The following LTBP4 variants were observed in gnomAD, a reference collection of about 807,000 sequenced individuals.
LTBP4 encodes latent-transforming growth factor beta-binding protein 4.
LTBP4 carries 93 observed loss-of-function variants against 180.2 expected under a neutral mutation model. The observed-to-expected ratio is 0.52, with a 90% CI of 0.44 to 0.61. The LOEUF (loss-of-function observed/expected upper bound fraction) is 0.61. Among genes scored for constraint, LTBP4 ranks in the 20% least tolerant of loss-of-function variants. The pLI is 0.00. For missense variants in LTBP4, 2,116 were observed against 2,256.5 expected (o/e 0.94, Z 1.26); for synonymous variants, 947 against 934.5 (o/e 1.01, Z -0.24).
At chr19:40,606,656 C>G (rs1407256156) in intron 6 of LTBP4, 130 bp downstream of exon 6, 10 of 1,137,232 alleles carry the variant, frequency 8.8e-6, no homozygotes, top group Non-Finnish European at 6.2e-6. Context: ...CCTTAGAGCC[C>G]CCTCAGAACT....
At position 40,627,210 on chromosome 19, in the gene LTBP4, A is replaced by G; in HGVS notation, c.4221A>G (p.Pro1407=). The change falls in exon 28 of 30, where the codon CCA becomes CCG. Residue 1407 remains proline, a synonymous_variant. Transcript: ENST00000396819. Reference sequence around the variant, plus strand: ...ATGGGGCACCCCGCTTCGACATGCCAGACTTTGAGGACGATGGTGGCCCCT... The same window carrying G: ...ATGGGGCACCCCGCTTCGACATGCCGGACTTTGAGGACGATGGTGGCCCCT... The part of the protein sequence containing the change: ...APYGAPRFDM[P]DFEDDGGPYG... 1 of 1,610,228 alleles carries G rather than the reference A, an allele frequency of 6.2e-7. No homozygotes were observed. The highest frequency in any genetic ancestry group is 2.2e-5 in the East Asian group (1 of 44,770).
rs62107914 is a variant in LTBP4 at position 40,622,158 on chromosome 19, C to T, written c.3218-243C>T. Among the ~76,000 whole-genome samples, 216 of 152,276 alleles carry T rather than the reference C, an allele frequency of 1.4e-3. No individual in the cohort carries two copies. Among genetic ancestry groups the T allele is most frequent in the Non-Finnish European group, 2.5e-3 (172 of 68,020 alleles). ...GAAGTTCCCTCACCACCCACCCAAG[C>T]TGTTAGCTGCAGTGACGGGAAAGTG... On this transcript the variant is annotated intron_variant, in intron 22 of 29. Transcript: ENST00000396819. This position sits in a 1 kb window ranked among gnomAD's most constrained non-coding sequence, Gnocchi z 5.1.
At chr19:40,614,522 G>A (rs2081533236) in intron 19 of LTBP4, 76 bp downstream of exon 19, 3 of 1,516,194 alleles carry the variant, frequency 2.0e-6, no homozygotes, top group Non-Finnish European at 8.8e-7. Flanking sequence ...GACTGAGGAG[G>A]GGCGCCCTGC....
rs1201274269 is a variant in LTBP4, at chr19:40,608,694, C to T, written c.1426+91C>T. 8.2e-6 allele frequency: 12 copies of T among 1,454,622 alleles called. No homozygotes were observed. The East Asian group carries it at 3.0e-4, about 36-fold the overall frequency. The allele number at this position is 1,454,622 out of a possible 1,614,324, so 90.1% of individuals were successfully genotyped here. A position where few individuals can be genotyped will look rare whatever the true frequency, so the allele number is the denominator to read the frequency against. On this transcript the variant is annotated intron_variant, in intron 9 of 29. Coordinates refer to ENST00000396819, the MANE Select transcript of LTBP4 (RefSeq NM_001042545.2). ...TTGGGAGGCTGAGGAGGGTGGATCA[C>T]CAGGTCAGGAGTTCGAGACCAGCCT... is the stretch of plus-strand genomic sequence containing the variant.
In LTBP4 at chr19:40,627,724, C is replaced by T. The variant is rs765337398; in HGVS notation, c.4386C>T (p.Tyr1462=). The change falls in exon 29 of 30, where the codon TAC becomes TAT. Residue 1462 remains tyrosine, a synonymous_variant. Transcript: ENST00000396819. ...GSYAGSLAEP[Y]EELEAEECGI... ...CCACAGGTTCCCTGGCTGAGCCCTA[C>T]GAGGAGCTGGAGGCGGAGGAGTGCG... 2.5e-6 allele frequency: 4 copies of T among 1,596,992 alleles called. No individual in the cohort carries two copies. Among genetic ancestry groups the T allele is most frequent in the Admixed American group, 1.7e-5 (1 of 57,842 alleles).
intron 1 of LTBP4, among the ~76,000 whole-genome samples, chr19:40,602,474 G>C (rs1003683595): frequency 6.6e-6 from 1 of 152,044 alleles, no homozygotes; most frequent in African/African-American, 2.4e-5. Context: ...GGGGGCCCCT[G>C]GAGCGGAGAA....
Position 40,629,319 on chromosome 19 carries a change from C to A in LTBP4, c.4520-77C>A. 6.3e-7 allele frequency: 1 copy of A among 1,590,240 alleles called. No homozygotes were observed. Among genetic ancestry groups the A allele is most frequent in the South Asian group, 1.1e-5 (1 of 90,630 alleles). Reference sequence around the variant, plus strand: ...TGCTCAGCATCTGTGCTCCTCTGTTCCAAGAACTTAAGGGGCCAAGGAGGC... The same window carrying A: ...TGCTCAGCATCTGTGCTCCTCTGTTACAAGAACTTAAGGGGCCAAGGAGGC... On this transcript the variant is annotated intron_variant, in intron 29 of 29. Transcript: ENST00000396819. The surrounding 1 kb of genome is among the most constrained non-coding windows in gnomAD (Gnocchi z 4.5).
chr19:40,599,887 C>G (rs2081411813), upstream of LTBP4: 2 of 482,466 alleles, frequency 4.1e-6, no homozygotes, highest in Admixed American at 7.5e-5. Context: ...CCCCCATCAT[C>G]TCTCTTTCTC....
At chr19:40,623,540 G>A (rs988623447) in intron 24 of LTBP4, 64 bp from the exon 25 acceptor site, 4 of 1,554,182 alleles carry the variant, frequency 2.6e-6, no homozygotes, top group East Asian at 2.3e-5. Context: ...GTCTTCCCAC[G>A]TCATGCCCTC....
chr19:40,627,761 G>A lies in LTBP4; in HGVS notation c.4423G>A (p.Gly1475Ser), dbSNP rs771795378. The change falls in exon 29 of 30, where the codon GGC (glycine) becomes AGC (serine). Residue 1475 changes from glycine to serine, a missense_variant. Coordinates refer to ENST00000396819, the MANE Select transcript of LTBP4 (RefSeq NM_001042545.2). ...GGCGGAGGAGTGCGGGATCCTGGAC[G>A]GCTGCACCAACGGCCGCTGCGTGCG... The part of the protein sequence containing the change: ...LEAEECGILD[G>S]CTNGRCVRVP... 1.3e-6 allele frequency: 2 copies of A among 1,592,028 alleles called. No homozygotes were observed. The highest frequency in any genetic ancestry group is 1.3e-5 in the African/African-American group (1 of 74,470).
intron 28 of LTBP4, 61 bp from the exon 29 acceptor site, chr19:40,627,644 C>T: frequency 2.0e-6 from 3 of 1,526,670 alleles, no homozygotes; most frequent in Non-Finnish European, 1.8e-6. Context: ...GCGCACCCAC[C>T]GTTGTGGGTA....
Position 40,609,796 on chromosome 19 carries a change from G to A in LTBP4, c.1609G>A (p.Glu537Lys), listed in dbSNP as rs946866092. The A allele has an allele frequency of 3.1e-6, 5 of 1,611,180 alleles. No individual in the cohort carries two copies. The highest frequency in any genetic ancestry group is 4.2e-6 in the Non-Finnish European group (5 of 1,178,720). ...CCCGCCCTGTGCTCCCGGGCGCTGC[G>A]AGAACTCACCAGGCAGCTTCCGCTG... Reference protein sequence around the residue: ...VPPPCAPGRCENSPGSFRCVC... With the variant: ...VPPPCAPGRCKNSPGSFRCVC... The change falls in exon 11 of 30, where the codon GAG becomes AAG. Residue 537 changes from glutamate to lysine, a missense_variant. By Grantham distance (56) the Glu-to-Lys change is moderately conservative. Around this residue, in one of 5 missense-constraint regions of LTBP4, gnomAD observed 877 missense variants for 873.6 expected, o/e 1.00. Coordinates refer to ENST00000396819, the MANE Select transcript of LTBP4 (RefSeq NM_001042545.2). The surrounding 1 kb of genome is among the most constrained non-coding windows in gnomAD (Gnocchi z 4.9).
intron 22 of LTBP4, among the ~76,000 whole-genome samples, chr19:40,620,235 A>T (rs28571670): frequency 0.49 from 74,220 of 150,390 alleles, 19,461 homozygotes; most frequent in African/African-American, 0.68. Flanking sequence ...TTTTTTGAAA[A>T]TTTTTTTTAA....
Position 40,601,488 on chromosome 19 carries a change from T to C in LTBP4, c.101T>C (p.Val34Ala). ...GLGRLGERLRVRFTPVVCGLR... is the reference protein window; with the variant it reads ...GLGRLGERLRARFTPVVCGLR... ...GGCCGGCTCGGAGAGCGTCTCCGCG[T>C]GCGCTTCACCCCGGTCGTGTGCGGC... is the stretch of plus-strand genomic sequence containing the variant. Residue 34 changes from valine (V) to alanine (A), a missense_variant, in exon 1 of 30, where the codon GTG becomes GCG. This residue lies in a region of LTBP4 where 469 missense variants were observed against 532.5 expected (regional missense o/e 0.88). Transcript: ENST00000396819. The C allele has an allele frequency of 6.7e-7, 1 of 1,494,906 alleles. No homozygotes were observed. The highest frequency in any genetic ancestry group is 8.9e-7 in the Non-Finnish European group (1 of 1,128,892). 92.6% of individuals were successfully genotyped at this position (1,494,906 alleles called of 1,614,324 possible).
Position 40,610,528 on chromosome 19 carries a change from A to G in LTBP4, c.1685-4A>G. 1 of 1,590,894 alleles carries G rather than the reference A, an allele frequency of 6.3e-7. No individual in the cohort carries two copies. The highest frequency in any genetic ancestry group is 8.5e-7 in the Non-Finnish European group (1 of 1,174,144). On this transcript the variant is annotated splice_region_variant and splice_polypyrimidine_tract_variant and intron_variant, in intron 11 of 29. Coordinates refer to ENST00000396819, the MANE Select transcript of LTBP4 (RefSeq NM_001042545.2). Reference sequence around the variant, plus strand: ...AGTCCCAGCCGCCTGGTCTGTGCCTACAGATGTGGACGAGTGCCACCGCGT... The same window carrying G: ...AGTCCCAGCCGCCTGGTCTGTGCCTGCAGATGTGGACGAGTGCCACCGCGT...
In LTBP4 at chr19:40,609,774, G is replaced by T; in HGVS notation, c.1587G>T (p.Pro529=). The T allele has an allele frequency of 6.2e-7, 1 of 1,611,872 alleles. No individual in the cohort carries two copies. Among genetic ancestry groups the T allele is most frequent in the East Asian group, 2.2e-5 (1 of 44,822 alleles). Reference sequence around the variant, plus strand: ...TGGACGAATGTCGCCGCGTGCCCCCGCCCTGTGCTCCCGGGCGCTGCGAGA... The same window carrying T: ...TGGACGAATGTCGCCGCGTGCCCCCTCCCTGTGCTCCCGGGCGCTGCGAGA... The part of the protein sequence containing the change: ...IDVDECRRVP[P]PCAPGRCENS... Residue 529 remains proline, a synonymous_variant, in exon 11 of 30, where the codon CCG becomes CCT. Transcript: ENST00000396819. The surrounding 1 kb of genome is among the most constrained non-coding windows in gnomAD (Gnocchi z 4.9).
chr19:40,626,904 A>C, intron 27 of LTBP4, 71 bp from the exon 28 acceptor site: 1 of 1,469,088 alleles, frequency 6.8e-7, no homozygotes. Flanking sequence ...CTCCTCTCCC[A>C]AGGGGGGTAT....
chr19:40,625,741 G>A, intron 26 of LTBP4, 116 bp from the exon 27 acceptor site: 2 of 894,926 alleles, frequency 2.2e-6, no homozygotes. Context: ...CACAGCTGAT[G>A]AGAAGGATTT....
chr19:40,610,323 A>G (rs979511677), intron 11 of LTBP4: 1 of 592,936 alleles, frequency 1.7e-6, no homozygotes. Context: ...TTGGTCCCCA[A>G]AGCTCTCCTT....
Sources: allele counts gnomAD v4.1 joint callset (sites outside exome capture counted in the v4.1 genomes callset), GRCh38; gene constraint gnomAD v4.1.1; regional missense constraint gnomAD v4.1.1; non-coding constraint Gnocchi (gnomAD v3.1); transcripts MANE v1.5; gene names NCBI Gene and HGNC (gene_info 2026-07-23, HGNC 2026-07-21).